SRD5A3: variants seen among roughly 807,000 people sequenced by gnomAD.
The protein encoded by SRD5A3 is polyprenal reductase.
SRD5A3 carries 24 observed loss-of-function variants against 34.3 expected under a neutral mutation model. The ratio of observed to expected loss-of-function variants is 0.70; its 90% CI spans 0.51 to 0.99. The LOEUF (loss-of-function observed/expected upper bound fraction) is 0.99. Among genes scored for constraint, SRD5A3 ranks in the 50% least tolerant of loss-of-function variants. The pLI is 0.00. For synonymous variants in SRD5A3, 161 were observed against 167.3 expected (o/e 0.96, Z 0.29); for missense variants, 350 against 388.2 (o/e 0.90, Z 0.83).
intron 3 of SRD5A3, among the ~76,000 whole-genome samples, chr4:55,365,217 T>C (rs1719842215): frequency 1.3e-5 from 2 of 152,186 alleles, no homozygotes; most frequent in African/African-American, 4.8e-5. Context: ...CTGTCCATCC[T>C]TGTAAACTCA....
chr4:55,368,310 C>T (rs1459363814), intron 4 of SRD5A3, among the ~76,000 whole-genome samples: 1 of 149,726 alleles, frequency 6.7e-6, no homozygotes, highest in Non-Finnish European at 1.5e-5. Context: ...ACCTGGGAGG[C>T]GGAGGTTGCA....
At chr4:55,358,348 T>C (rs13132806) in intron 1 of SRD5A3, among the ~76,000 whole-genome samples, 26,570 of 151,836 alleles carry the variant, frequency 0.17, 2,712 homozygotes, top group South Asian at 0.24. Context: ...CTGGGCAGCA[T>C]AGGGAGATCA....
Position 55,364,169 on chromosome 4 carries a change from T to C in SRD5A3, c.460T>C (p.Ser154Pro). Residue 154 changes from serine (S) to proline (P), a missense_variant, in exon 3 of 5, where the codon TCC becomes CCC. Coordinates refer to ENST00000264228, the MANE Select transcript of SRD5A3 (RefSeq NM_024592.5). The part of the protein sequence containing the change: ...LFECLYVSVF[S>P]NVMIHVVQYC... The stretch of plus-strand genomic sequence containing the variant: ...CGAGTGCCTCTACGTCAGTGTCTTC[T>C]CCAATGTCATGATTCACGTCGTGCA... 1.2e-6 allele frequency: 2 copies of C among 1,614,142 alleles called. No homozygotes were observed. The highest frequency in any genetic ancestry group is 1.7e-6 in the Non-Finnish European group (2 of 1,180,018).
chr4:55,357,292 C>T (rs1320784375), intron 1 of SRD5A3, among the ~76,000 whole-genome samples: 1 of 152,206 alleles, frequency 6.6e-6, no homozygotes, highest in Non-Finnish European at 1.5e-5. Context: ...TAGAATATTG[C>T]CCAACACATT....
intron 1 of SRD5A3, chr4:55,359,102 CAGTT>C (rs1310596149): frequency 4.4e-5 from 22 of 497,110 alleles, no homozygotes; most frequent in East Asian, 2.4e-4. Context: ...AAGTTTAACA[CAGTT>C]GGTTGTGTTC....
chr4:55,368,484 G>A (rs963217673), intron 4 of SRD5A3, among the ~76,000 whole-genome samples: 3 of 145,682 alleles, frequency 2.1e-5, no homozygotes, highest in African/African-American at 7.6e-5. Flanking sequence ...TAGTGCAGTG[G>A]CACAATCTCG....
intron 1 of SRD5A3, chr4:55,352,200 A>T: frequency 1.0e-6 from 1 of 957,714 alleles, no homozygotes; most frequent in Admixed American, 1.7e-5. Context: ...GGTATCAATG[A>T]GGATGTGGTA....
intron 1 of SRD5A3, among the ~76,000 whole-genome samples, chr4:55,347,590 TGCACTCTA>T (rs1719041587): frequency 1.3e-5 from 2 of 152,190 alleles, no homozygotes; most frequent in Admixed American, 1.3e-4. Flanking sequence ...ATCATGGCAC[TGCACTCTA>T]GCCTGGGCAA....
chr4:55,364,052 C>G (rs762954394), intron 2 of SRD5A3, 22 bp from the exon 3 acceptor site: 150 of 1,613,036 alleles, frequency 9.3e-5, no homozygotes, highest in Non-Finnish European at 1.2e-4. Flanking sequence ...AAATGCTGAC[C>G]CTGTTGCCTT....
chr4:55,359,013 C>G, intron 1 of SRD5A3: 1 of 362,454 alleles, frequency 2.8e-6, no homozygotes, highest in Non-Finnish European at 5.3e-6. Flanking sequence ...TTTGCAAGGG[C>G]CTGCAGCCTC....
chr4:55,362,034 T>G (rs1474174187), intron 2 of SRD5A3, among the ~76,000 whole-genome samples: 1 of 152,134 alleles, frequency 6.6e-6, no homozygotes, highest in Non-Finnish European at 1.5e-5. Context: ...ACAAAAACAG[T>G]CAAAGCTAAT....
chr4:55,355,112 G>C (rs1284464263), intron 1 of SRD5A3, among the ~76,000 whole-genome samples: 1 of 152,232 alleles, frequency 6.6e-6, no homozygotes, highest in Non-Finnish European at 1.5e-5. Context: ...GCTTTTGGAG[G>C]CTCAAGCTGG....
At chr4:55,364,009 G>A (rs1222858211) in intron 2 of SRD5A3, 65 bp from the exon 3 acceptor site, 2 of 1,575,344 alleles carry the variant, frequency 1.3e-6, no homozygotes, top group East Asian at 2.2e-5. Flanking sequence ...TAACAGTACA[G>A]AAAAACAAAA....
chr4:55,354,997 C>A (rs1578203906), intron 1 of SRD5A3, among the ~76,000 whole-genome samples: 1 of 152,188 alleles, frequency 6.6e-6, no homozygotes, highest in Non-Finnish European at 1.5e-5. Context: ...GATCACCTTA[C>A]CCCTGCTTAC....
At chr4:55,358,669 T>C (rs1199553411) in intron 1 of SRD5A3, among the ~76,000 whole-genome samples, 2 of 152,226 alleles carry the variant, frequency 1.3e-5, no homozygotes, top group Non-Finnish European at 2.9e-5. Context: ...TAATTTCAAT[T>C]GCATTGGTTT....
chr4:55,353,232 T>G (rs1476817024), intron 1 of SRD5A3, among the ~76,000 whole-genome samples: 4 of 152,186 alleles, frequency 2.6e-5, no homozygotes, highest in African/African-American at 7.2e-5. Flanking sequence ...CTTTTCTGTC[T>G]AGCTAAAGGT....
intron 1 of SRD5A3, among the ~76,000 whole-genome samples, chr4:55,357,699 T>TTTTA (rs1195184135): frequency 6.6e-6 from 1 of 152,192 alleles, no homozygotes; most frequent in Non-Finnish European, 1.5e-5. Context: ...AGTGATAGAA[T>TTTTA]TTTATTTATT....
chr4:55,365,805 A>G (rs1719871269), intron 3 of SRD5A3: 1 of 152,200 alleles, frequency 6.6e-6, no homozygotes, highest in African/African-American at 2.4e-5. Flanking sequence ...GGTTTCAGTA[A>G]TTCATTGAGA....
intron 4 of SRD5A3, among the ~76,000 whole-genome samples, chr4:55,368,323 G>A (rs1719981922): frequency 6.6e-6 from 1 of 151,082 alleles, no homozygotes; most frequent in Non-Finnish European, 1.5e-5. Context: ...AGGTTGCAGT[G>A]AGCTGAGATC....
Sources: allele counts gnomAD v4.1 joint callset (sites outside exome capture counted in the v4.1 genomes callset), GRCh38; gene constraint gnomAD v4.1.1; transcripts MANE v1.5; gene names NCBI Gene and HGNC (gene_info 2026-07-23, HGNC 2026-07-21).